SPMIP4: variants seen among roughly 807,000 people sequenced by gnomAD.
SPMIP4 encodes the protein sperm microtubule inner protein 4.
the SPMIP4 span, among the ~76,000 whole-genome samples, chr7:25,141,546 T>TG: frequency 8.4e-6 from 1 of 119,516 alleles, no homozygotes; most frequent in Non-Finnish European, 1.6e-5. Flanking sequence ...TACTCCAGCC[T>TG]GGCAACAGAG....
At chr7:25,143,320 T>C in the SPMIP4 span, among the ~76,000 whole-genome samples, 2 of 152,264 alleles carry the variant, frequency 1.3e-5, no homozygotes, top group Non-Finnish European at 2.9e-5. Flanking sequence ...AAAAGAGCTA[T>C]GCATGTAAAC....
chr7:25,139,020 G>A, the SPMIP4 span, among the ~76,000 whole-genome samples: 45,629 of 152,068 alleles, frequency 0.3, 8,307 homozygotes, highest in South Asian at 0.42. Flanking sequence ...CTGACTGGGA[G>A]GGGGTATGAG....
chr7:25,143,494 A>G, the SPMIP4 span, among the ~76,000 whole-genome samples: 1 of 152,174 alleles, frequency 6.6e-6, no homozygotes, highest in Admixed American at 6.5e-5. Context: ...ATCCAGGAAC[A>G]TATTGGCTAG....
At chr7:25,155,506 TGA>T in the SPMIP4 span, among the ~76,000 whole-genome samples, 1 of 152,160 alleles carries the variant, frequency 6.6e-6, no homozygotes, top group Non-Finnish European at 1.5e-5. Context: ...AAAAAATAAA[TGA>T]GTTTTGTGTT....
chr7:25,142,662 A>C, the SPMIP4 span: 15 of 1,612,842 alleles, frequency 9.3e-6, no homozygotes, highest in Non-Finnish European at 1.3e-5. Context: ...GAGTGTACGA[A>C]GTGAGCCAGT....
chr7:25,142,649 C>T, the SPMIP4 span: 3 of 1,609,384 alleles, frequency 1.9e-6, no homozygotes, highest in Non-Finnish European at 1.7e-6. Context: ...CCTGTAAAAT[C>T]ATGAGTGTAC....
the SPMIP4 span, among the ~76,000 whole-genome samples, chr7:25,126,863 G>A: frequency 6.6e-6 from 1 of 152,164 alleles, no homozygotes; most frequent in Admixed American, 6.5e-5. Flanking sequence ...TTTCTTGTAG[G>A]ACAGGTCTGG....
At chr7:25,165,071 C>T in the SPMIP4 span, among the ~76,000 whole-genome samples, 1 of 152,092 alleles carries the variant, frequency 6.6e-6, no homozygotes, top group Admixed American at 6.5e-5. Flanking sequence ...GCGAATTGTG[C>T]TGCTATAAAC....
At chr7:25,132,236 ACTAT>A in the SPMIP4 span, among the ~76,000 whole-genome samples, 18 of 152,064 alleles carry the variant, frequency 1.2e-4, no homozygotes, top group South Asian at 2.1e-4. The surrounding 1 kb of genome is among the most constrained non-coding windows in gnomAD (Gnocchi z 5.0). Context: ...AGCTCTCTTT[ACTAT>A]CTGATTGGTC....
At chr7:25,128,468 C>T in the SPMIP4 span, among the ~76,000 whole-genome samples, 1 of 152,224 alleles carries the variant, frequency 6.6e-6, no homozygotes, top group African/African-American at 2.4e-5. This position sits in a 1 kb window ranked among gnomAD's most constrained non-coding sequence, Gnocchi z 4.5. Context: ...AGTCCTTCCC[C>T]ATGACCACCA....
At chr7:25,142,236 C>T in the SPMIP4 span, 1 of 1,605,168 alleles carries the variant, frequency 6.2e-7, no homozygotes, top group Non-Finnish European at 8.5e-7. Flanking sequence ...ACTGCAATTA[C>T]TTACCGGCTC....
chr7:25,163,562 C>T, the SPMIP4 span, among the ~76,000 whole-genome samples: 98 of 152,290 alleles, frequency 6.4e-4, no homozygotes, highest in African/African-American at 2.1e-3. This position sits in a 1 kb window ranked among gnomAD's most constrained non-coding sequence, Gnocchi z 4.4. Context: ...GGCTTCATAA[C>T]GAAGTGATCA....
chr7:25,147,156 T>TA, the SPMIP4 span, among the ~76,000 whole-genome samples: 1 of 152,060 alleles, frequency 6.6e-6, no homozygotes, highest in Non-Finnish European at 1.5e-5. Context: ...TAGCTGGGCA[T>TA]AGTGGCGCAC....
the SPMIP4 span, among the ~76,000 whole-genome samples, chr7:25,128,426 T>G: frequency 1.1e-4 from 17 of 152,194 alleles, no homozygotes; most frequent in African/African-American, 3.6e-4. This position sits in a 1 kb window ranked among gnomAD's most constrained non-coding sequence, Gnocchi z 4.5. Context: ...AAAGTTATTC[T>G]CACTCTTCCC....
chr7:25,160,339 C>T, the SPMIP4 span, among the ~76,000 whole-genome samples: 1 of 86,206 alleles, frequency 1.2e-5, no homozygotes, highest in Non-Finnish European at 3.5e-5. Flanking sequence ...GCTCTTGTCG[C>T]CCAGACTAGA....
At chr7:25,144,105 T>G in the SPMIP4 span, among the ~76,000 whole-genome samples, 2 of 152,160 alleles carry the variant, frequency 1.3e-5, no homozygotes, top group East Asian at 3.8e-4. Context: ...AGTGTGGAAG[T>G]AGCATTTCTT....
chr7:25,143,098 C>A, the SPMIP4 span, among the ~76,000 whole-genome samples: 1 of 152,136 alleles, frequency 6.6e-6, no homozygotes, highest in East Asian at 1.9e-4. Flanking sequence ...GAATATTCTA[C>A]CTCCAGTGAA....
the SPMIP4 span, among the ~76,000 whole-genome samples, chr7:25,130,312 C>CTT: frequency 0.041 from 5,376 of 131,664 alleles, 284 homozygotes; most frequent in African/African-American, 0.11. Context: ...GTTATCACTT[C>CTT]TTTTTTTTTT....
At chr7:25,132,813 G>A in the SPMIP4 span, among the ~76,000 whole-genome samples, 2 of 152,126 alleles carry the variant, frequency 1.3e-5, no homozygotes, top group African/African-American at 4.8e-5. The surrounding 1 kb of genome is among the most constrained non-coding windows in gnomAD (Gnocchi z 5.0). Context: ...TTTAGTAAAC[G>A]AGTATGTTTT....
Sources: allele counts gnomAD v4.1 joint callset (sites outside exome capture counted in the v4.1 genomes callset), GRCh38; gene constraint gnomAD v4.1.1; non-coding constraint Gnocchi (gnomAD v3.1); transcripts MANE v1.5; gene names NCBI Gene and HGNC (gene_info 2026-07-23, HGNC 2026-07-21).